Variants in LYRM4 observed in about 807,000 individuals in gnomAD.
LYRM4 encodes LYR motif containing 4.
LYRM4 carries 9 observed loss-of-function variants against 11.7 expected under a neutral mutation model. The observed-to-expected ratio is 0.77, with a 90% CI of 0.46 to 1.34. The LOEUF (loss-of-function observed/expected upper bound fraction) is 1.34. Among genes scored for constraint, LYRM4 ranks in the 40% most tolerant of loss-of-function variants. The pLI is 0.00. For missense variants in LYRM4, 133 were observed against 112.5 expected (o/e 1.18, Z -0.82); for synonymous variants, 42 against 40.4 (o/e 1.04, Z -0.15).
intron 2 of LYRM4, among the ~76,000 whole-genome samples, chr6:5,120,505 GATTT>G (rs1320602085): frequency 2.0e-5 from 3 of 152,148 alleles, no homozygotes; most frequent in African/African-American, 7.2e-5. Context: ...GCAGCAGCAA[GATTT>G]ATTGTGGAGA....
At chr6:5,091,116 A>G in the LYRM4 span, among the ~76,000 whole-genome samples, 1 of 152,186 alleles carries the variant, frequency 6.6e-6, no homozygotes, top group Non-Finnish European at 1.5e-5. Context: ...AACACGGATT[A>G]TTTGCAGTCC....
the LYRM4 span, among the ~76,000 whole-genome samples, chr6:5,095,388 G>A: frequency 1.3e-5 from 2 of 152,342 alleles, no homozygotes; most frequent in South Asian, 2.1e-4. Context: ...GTGCAACCAA[G>A]TGGTAGAAGA....
the LYRM4 span, among the ~76,000 whole-genome samples, chr6:5,068,513 A>T: frequency 2.2e-3 from 339 of 152,290 alleles, no homozygotes; most frequent in African/African-American, 7.8e-3. The surrounding 1 kb of genome is among the most constrained non-coding windows in gnomAD (Gnocchi z 4.0). Flanking sequence ...ACACCTGTTG[A>T]TGTATTCTGA....
At chr6:5,131,616 C>T (rs1048198648) in intron 2 of LYRM4, among the ~76,000 whole-genome samples, 1 of 152,188 alleles carries the variant, frequency 6.6e-6, no homozygotes, top group African/African-American at 2.4e-5. Flanking sequence ...AAGCCATTCA[C>T]AAAAATTCAT....
At chr6:5,085,719 C>A in the LYRM4 span, 1 of 1,546,098 alleles carries the variant, frequency 6.5e-7, no homozygotes, top group South Asian at 1.2e-5. Flanking sequence ...AATGCCGCCG[C>A]CGCTGCCGCG....
chr6:5,255,329 G>C (rs1456082409), intron 1 of LYRM4, among the ~76,000 whole-genome samples: 1 of 152,172 alleles, frequency 6.6e-6, no homozygotes, highest in Non-Finnish European at 1.5e-5. Flanking sequence ...ATTGTAGATA[G>C]CAACAAATAT....
chr6:5,233,723 G>A (rs900341478), intron 1 of LYRM4, among the ~76,000 whole-genome samples: 1 of 152,238 alleles, frequency 6.6e-6, no homozygotes, highest in Non-Finnish European at 1.5e-5. Context: ...TGATCCTCCC[G>A]CCTCAGCCTC....
chr6:5,109,775 C>T (rs1293180127), intron 2 of LYRM4, among the ~76,000 whole-genome samples: 1 of 152,238 alleles, frequency 6.6e-6, no homozygotes, highest in East Asian at 1.9e-4. Context: ...TGGGTGACGC[C>T]TGCCTGCTGG....
chr6:5,230,241 G>T (rs1310895565), intron 1 of LYRM4, among the ~76,000 whole-genome samples: 1 of 152,212 alleles, frequency 6.6e-6, no homozygotes, highest in African/African-American at 2.4e-5. Context: ...TAAACTCAAA[G>T]ATGACCACAT....
chr6:5,171,737 A>G (rs1044709537), intron 2 of LYRM4, among the ~76,000 whole-genome samples: 8 of 152,240 alleles, frequency 5.3e-5, no homozygotes, highest in Non-Finnish European at 1.0e-4. Context: ...ATGAAGCAAA[A>G]GTATACAAAA....
In LYRM4 at chr6:5,109,530, C is replaced by T. The variant is rs753663230; in HGVS notation, c.208-39G>A. On this transcript the variant is annotated intron_variant, in intron 2 of 2. Transcript: ENST00000330636. ...AAGGACACAGGTCAGGAACCGTGGC[C>T]CTCTAGCCCCTGGGAAAGGCCAGAA... is the stretch of plus-strand genomic sequence containing the variant. 2.5e-6 allele frequency: 4 copies of T among 1,584,552 alleles called. No individual in the cohort carries two copies. In the Admixed American group the frequency reaches 6.7e-5, roughly 26 times the overall value.
At chr6:5,091,017 T>C in the LYRM4 span, among the ~76,000 whole-genome samples, 3 of 152,168 alleles carry the variant, frequency 2.0e-5, no homozygotes, top group East Asian at 5.8e-4. Context: ...ATCATGGAAC[T>C]GAATCAAACT....
intron 1 of LYRM4, among the ~76,000 whole-genome samples, chr6:5,252,334 A>G (rs138386259): frequency 3.9e-4 from 59 of 152,290 alleles, no homozygotes; most frequent in African/African-American, 1.3e-3. Flanking sequence ...TGTGAGACCA[A>G]TCAAGTTGCT....
chr6:5,040,340 G>C, the LYRM4 span, among the ~76,000 whole-genome samples: 1 of 142,172 alleles, frequency 7.0e-6, no homozygotes, highest in African/African-American at 2.6e-5. Flanking sequence ...TAGATAGATA[G>C]ATAGATAGAT....
At chr6:5,235,653 A>G (rs1763497593) in intron 1 of LYRM4, among the ~76,000 whole-genome samples, 1 of 152,248 alleles carries the variant, frequency 6.6e-6, no homozygotes, top group Admixed American at 6.5e-5. Flanking sequence ...GGCATAAGGT[A>G]TTTAAACACA....
In LYRM4 at chr6:5,202,666, A is replaced by G. The variant is rs189023022; in HGVS notation, c.207+13952T>C. ...CTAGTTCTCCCAAGAAAAGATGAAT[A>G]GCCTGCCATAAGTTCGTATGTATGT... On this transcript the variant is annotated intron_variant, in intron 2 of 2. Transcript: ENST00000330636. Among the ~76,000 whole-genome samples, 196 of 152,320 alleles carry G rather than the reference A, an allele frequency of 1.3e-3. 1 individual carries two copies. The highest frequency in any genetic ancestry group is 4.4e-3 in the African/African-American group (183 of 41,568).
chr6:5,143,815 G>A (rs1002359926), intron 2 of LYRM4, among the ~76,000 whole-genome samples: 10 of 152,064 alleles, frequency 6.6e-5, no homozygotes, highest in African/African-American at 2.2e-4. Context: ...AGCAGATGGC[G>A]ACAGAGGCCT....
At chr6:5,212,745 GA>G (rs1222570286) in intron 2 of LYRM4, among the ~76,000 whole-genome samples, 1 of 152,216 alleles carries the variant, frequency 6.6e-6, no homozygotes, top group African/African-American at 2.4e-5. Context: ...CATGAAGTGG[GA>G]AAGAGATTCG....
At chr6:5,095,688 T>G in the LYRM4 span, among the ~76,000 whole-genome samples, 1 of 152,106 alleles carries the variant, frequency 6.6e-6, no homozygotes, top group Non-Finnish European at 1.5e-5. Flanking sequence ...TTAAAAACCC[T>G]GAGTATTGGC....
Sources: gnomAD v4.1 joint callset for allele counts (sites outside exome capture counted in the v4.1 genomes callset) on GRCh38, gnomAD v4.1.1 for gene constraint, Gnocchi (gnomAD v3.1) non-coding constraint, MANE v1.5 for transcripts, NCBI Gene and HGNC (gene_info 2026-07-23, HGNC 2026-07-21) for gene names.